Variants in BUB1B observed in about 807,000 individuals in gnomAD.
BUB1B encodes the protein mitotic checkpoint serine/threonine-protein kinase BUB1 beta.
In BUB1B, 86 loss-of-function variants were observed where a neutral mutation model predicts 137.7. The ratio of observed to expected loss-of-function variants is 0.62; its 90% CI spans 0.52 to 0.75. The LOEUF (loss-of-function observed/expected upper bound fraction) is 0.75. BUB1B is among the 30% of genes least tolerant of loss of function. The pLI is 0.00. For synonymous variants in BUB1B, 420 were observed against 417.9 expected, an observed-to-expected ratio of 1.00 and a Z score of -0.06; for missense variants, 1,130 against 1,236.9, an observed-to-expected ratio of 0.91 and a Z score of 1.30.
intron 14 of BUB1B, among the ~76,000 whole-genome samples, chr15:40,205,139 G>T (rs1329755874): frequency 6.6e-6 from 1 of 151,830 alleles, no homozygotes; most frequent in East Asian, 1.9e-4. Context: ...TAGGGACGGG[G>T]TTTTGCCATG....
In BUB1B at chr15:40,217,602, G is replaced by A. The variant is rs143232848; in HGVS notation, c.2785G>A (p.Gly929Ser). 134 of 1,614,092 alleles carry A rather than the reference G, an allele frequency of 8.3e-5. No individual in the cohort carries two copies. The African/African-American group carries it at 1.4e-3, about 17-fold the overall frequency. The change falls in exon 21 of 23, where the codon GGC becomes AGC. Residue 929 changes from glycine (G) to serine (S), a missense_variant. Gly to Ser is a moderately conservative substitution (Grantham distance 56). Transcript: ENST00000287598. ...RVQLDVFTLS[G>S]FRTVQILEGQ... ...GCAGCTGGATGTTTTTACCCTCAGCGGCTTTCGGACTGTACAGATCCTGGA... is the reference window on the plus strand; with the variant it reads ...GCAGCTGGATGTTTTTACCCTCAGCAGCTTTCGGACTGTACAGATCCTGGA...
chr15:40,162,068 A>G (rs575980665), intron 1 of BUB1B, among the ~76,000 whole-genome samples: 3 of 152,210 alleles, frequency 2.0e-5, no homozygotes, highest in Non-Finnish European at 4.4e-5. Flanking sequence ...AAAAAAAATA[A>G]TAAAGCAACT....
chr15:40,174,664 A>T (rs2037204186), intron 4 of BUB1B, among the ~76,000 whole-genome samples: 1 of 152,204 alleles, frequency 6.6e-6, no homozygotes, highest in Admixed American at 6.5e-5. Context: ...TCCTAACTAG[A>T]ACATTGAAAT....
intron 4 of BUB1B, 142 bp from the exon 5 acceptor site, chr15:40,176,335 A>G (rs1232433801): frequency 5.0e-6 from 4 of 807,588 alleles, no homozygotes; most frequent in South Asian, 1.5e-5. Flanking sequence ...AGGTCCTCCC[A>G]GTATGGTCCT....
rs559923831 is a variant in BUB1B at position 40,220,868 on chromosome 15, C to T, written c.*109C>T. 109 of 1,167,602 alleles carry T rather than the reference C, an allele frequency of 9.3e-5. No homozygotes were observed. The highest frequency in any genetic ancestry group is 4.6e-4 in the Middle Eastern group (2 of 4,332). 72.3% of individuals were successfully genotyped at this position (1,167,602 alleles called of 1,614,324 possible). On this transcript the variant is annotated 3_prime_UTR_variant, in exon 23 of 23. Coordinates refer to ENST00000287598, the MANE Select transcript of BUB1B (RefSeq NM_001211.6). ...ATTTAGGACACATTTAGATGCACTA[C>T]CATTGCTGTTCTACTTTTTGGTACA...
rs1486938160 is a variant in BUB1B at position 40,161,093 on chromosome 15, T to C, written c.-128T>C. The C allele has an allele frequency of 7.8e-7, 1 of 1,278,714 alleles. No individual in the cohort carries two copies. The highest frequency in any genetic ancestry group is 1.1e-6 in the Non-Finnish European group (1 of 924,164). The allele number at this position is 1,278,714 out of a possible 1,614,324, so 79.2% of individuals were successfully genotyped here. Reference sequence around the variant, plus strand: ...TGTGGGCTTGAGGTGGCCGGTTTGTTAGGGAGTCGTGTACGTGCCTTGGTC... The same window carrying C: ...TGTGGGCTTGAGGTGGCCGGTTTGTCAGGGAGTCGTGTACGTGCCTTGGTC... On this transcript the variant is annotated 5_prime_UTR_variant, in exon 1 of 23. Transcript: ENST00000287598.
At chr15:40,181,240 C>T (rs368256907) in intron 5 of BUB1B, among the ~76,000 whole-genome samples, 9 of 151,898 alleles carry the variant, frequency 5.9e-5, no homozygotes, top group East Asian at 1.9e-4. Context: ...TACAGGCATG[C>T]GCCACCATAC....
chr15:40,172,699 T>TCAA (rs943288479), intron 4 of BUB1B, among the ~76,000 whole-genome samples: 1 of 152,162 alleles, frequency 6.6e-6, no homozygotes, highest in Non-Finnish European at 1.5e-5. Context: ...CCTGTGTTGT[T>TCAA]CAAGGGTCAA....
In BUB1B at chr15:40,161,146, G is replaced by A; in HGVS notation, c.-75G>A. On this transcript the variant is annotated 5_prime_UTR_variant, in exon 1 of 23. Coordinates refer to ENST00000287598, the MANE Select transcript of BUB1B (RefSeq NM_001211.6). ...TTCTGTAGCTCCGAGGGCAGGTTGCGGAAGAAAGCCCAGGCGGTCTGTGGC... is the reference window on the plus strand; with the variant it reads ...TTCTGTAGCTCCGAGGGCAGGTTGCAGAAGAAAGCCCAGGCGGTCTGTGGC... The A allele has an allele frequency of 3.2e-6, 5 of 1,581,436 alleles. No individual in the cohort carries two copies. In the South Asian group the frequency reaches 3.5e-5, roughly 11 times the overall value.
At chr15:40,170,724 T>C in intron 4 of BUB1B, 43 bp downstream of exon 4, 2 of 1,596,364 alleles carry the variant, frequency 1.3e-6, no homozygotes, top group East Asian at 2.2e-5. Context: ...AATATTAAAC[T>C]AAGAGATTTT....
Position 40,199,635 on chromosome 15 carries a change from G to C in BUB1B, c.1309G>C (p.Glu437Gln). The change falls in exon 10 of 23, where the codon GAG becomes CAG. Residue 437 changes from glutamate (E) to glutamine (Q), a missense_variant. Physicochemically the swap from Glu to Gln is conservative, Grantham distance 29 (BLOSUM62 2). Transcript: ENST00000287598. ...TCTAGCCGAGCTATTGACCAGTGCA[G>C]AGAAGAGAGCAGAAATGCAGAAACA... ...QREAELLTSA[E>Q]KRAEMQKQIE... 1 of 1,614,006 alleles carries C rather than the reference G, an allele frequency of 6.2e-7. No homozygotes were observed. Among genetic ancestry groups the C allele is most frequent in the Non-Finnish European group, 8.5e-7 (1 of 1,179,910 alleles).
At position 40,161,123 on chromosome 15, in the gene BUB1B, C is replaced by A; in HGVS notation, c.-98C>A. On this transcript the variant is annotated 5_prime_UTR_variant, in exon 1 of 23. In the 5' UTR this introduces an upstream ATG that the reference lacks. Coordinates refer to ENST00000287598, the MANE Select transcript of BUB1B (RefSeq NM_001211.6). ...AGTCGTGTACGTGCCTTGGTCGCTT[C>A]TGTAGCTCCGAGGGCAGGTTGCGGA... 6.6e-7 allele frequency: 1 copy of A among 1,516,550 alleles called. No individual in the cohort carries two copies. Among genetic ancestry groups the A allele is most frequent in the Non-Finnish European group, 9.0e-7 (1 of 1,117,084 alleles). The allele number at this position is 1,516,550 out of a possible 1,614,324, so 93.9% of individuals were successfully genotyped here.
intron 18 of BUB1B, among the ~76,000 whole-genome samples, chr15:40,212,100 G>C (rs1241375060): frequency 6.6e-6 from 1 of 152,232 alleles, no homozygotes; most frequent in Non-Finnish European, 1.5e-5. Context: ...CTCCCAGAGT[G>C]CTGGGATTAC....
At chr15:40,177,614 C>G (rs1021913145) in intron 5 of BUB1B, among the ~76,000 whole-genome samples, 1 of 152,008 alleles carries the variant, frequency 6.6e-6, no homozygotes, top group African/African-American at 2.4e-5. Flanking sequence ...ACCATGCTAT[C>G]TAGATTACTA....
intron 1 of BUB1B, among the ~76,000 whole-genome samples, chr15:40,163,575 C>T (rs1313281778): frequency 3.3e-5 from 5 of 152,128 alleles, no homozygotes; most frequent in African/African-American, 1.2e-4. Context: ...ACATTTATTC[C>T]TTGAGTTAAC....
At position 40,169,986 on chromosome 15, in the gene BUB1B, A is replaced by G. The variant is rs1256797317; in HGVS notation, c.180-76A>G. ...TCAATATTACCTACTTATTACATGA[A>G]TAAAAATGGAAGTGATACTTGTTCA... On this transcript the variant is annotated intron_variant, in intron 2 of 22. Coordinates refer to ENST00000287598, the MANE Select transcript of BUB1B (RefSeq NM_001211.6). The G allele has an allele frequency of 2.5e-6, 3 of 1,189,372 alleles. No homozygotes were observed. The African/African-American group carries it at 4.5e-5, about 18-fold the overall frequency. The allele number at this position is 1,189,372 out of a possible 1,614,324, so 73.7% of individuals were successfully genotyped here.
rs1017755868 is a variant in BUB1B, at chr15:40,191,292, C to A, written c.1059-5253C>A. 2.6e-5 allele frequency among the ~76,000 whole-genome samples: 4 copies of A among 152,172 alleles called. No homozygotes were observed. The East Asian group carries it at 5.8e-4, about 22-fold the overall frequency. On this transcript the variant is annotated intron_variant, in intron 8 of 22. Transcript: ENST00000287598. ...ATAACTGAAACTGCTGAAAATGAAA[C>A]CATGAGTAAGGGGAAACTACTCTAT... is the stretch of plus-strand genomic sequence containing the variant.
chr15:40,208,451 T>A (rs2037664558), intron 15 of BUB1B, among the ~76,000 whole-genome samples, 186 bp from the exon 16 acceptor site: 1 of 151,966 alleles, frequency 6.6e-6, no homozygotes, highest in Non-Finnish European at 1.5e-5. Flanking sequence ...GACAGGAGAA[T>A]CACTTGAACC....
intron 8 of BUB1B, among the ~76,000 whole-genome samples, chr15:40,192,335 A>G (rs920245225): frequency 6.6e-6 from 1 of 152,180 alleles, no homozygotes; most frequent in African/African-American, 2.4e-5. Flanking sequence ...TCCTATTACT[A>G]ACATCATGCA....
Sources: allele counts gnomAD v4.1 joint callset (sites outside exome capture counted in the v4.1 genomes callset), GRCh38; gene constraint gnomAD v4.1.1; transcripts MANE v1.5; gene names NCBI Gene and HGNC (gene_info 2026-07-23, HGNC 2026-07-21).